Variants in LRBA observed in about 807,000 individuals in gnomAD.
LRBA encodes lipopolysaccharide-responsive and beige-like anchor protein.
LRBA carries 176 observed loss-of-function variants against 330.0 expected under a neutral mutation model. The observed-to-expected ratio is 0.53, with a 90% confidence interval of 0.47 to 0.60. The LOEUF (loss-of-function observed/expected upper bound fraction) is 0.60, where lower values mean the gene tolerates loss of function less well. Ranked by LOEUF, LRBA falls within the 20% of genes least tolerant of loss-of-function variation. LRBA has a pLI of 0.00. For missense variants in LRBA, 3,259 were observed against 3,444.8 expected, an observed-to-expected ratio of 0.95 and a Z score of 1.35; for synonymous variants, 1,230 against 1,193.0, an observed-to-expected ratio of 1.03 and a Z score of -0.64.
At chr4:150,601,000 A>G (rs1007301330) in intron 37 of LRBA, among the ~76,000 whole-genome samples, 2 of 152,184 alleles carry the variant, frequency 1.3e-5, no homozygotes, top group African/African-American at 4.8e-5. Flanking sequence ...TGATACAATG[A>G]GGGTCTATTC....
chr4:150,621,381 TCATA>T (rs1002981475), intron 37 of LRBA, among the ~76,000 whole-genome samples: 1 of 152,222 alleles, frequency 6.6e-6, no homozygotes, highest in Non-Finnish European at 1.5e-5. Context: ...AGTTGTGCTC[TCATA>T]CATACTTGTT....
intron 30 of LRBA, among the ~76,000 whole-genome samples, chr4:150,826,382 G>A (rs1282276828): frequency 6.6e-6 from 1 of 152,146 alleles, no homozygotes; most frequent in Non-Finnish European, 1.5e-5. Context: ...TAGGATTTAT[G>A]GCAGGAAGAG....
intron 2 of LRBA, among the ~76,000 whole-genome samples, chr4:151,001,095 C>A (rs1743271738): frequency 6.6e-6 from 1 of 152,174 alleles, no homozygotes; most frequent in Non-Finnish European, 1.5e-5. Flanking sequence ...GTCCCATAAT[C>A]CCCCTAAGTC....
At position 150,867,734 on chromosome 4, in the gene LRBA, T is replaced by G. The variant is rs752955303; in HGVS notation, c.2703A>C (p.Ala901=). The G allele has an allele frequency of 3.1e-6, 5 of 1,613,830 alleles. No individual in the cohort carries two copies. The African/African-American group carries it at 4.0e-5, about 13-fold the overall frequency. ...GCCAGCCACCCCACTCATATTTGAC[T>G]GCATGGTAAAGCAGGATTCTGAATA... ...YAIFRILLYH[A]VKYEWGGWRV... is the part of the protein sequence containing the mutation. The change falls in exon 22 of 57, where the codon GCA becomes GCC. Residue 901 remains alanine, a synonymous_variant. Coordinates refer to ENST00000651943, the MANE Select transcript of LRBA (RefSeq NM_001364905.1).
At chr4:150,818,090 T>C (rs2126770049) in intron 30 of LRBA, among the ~76,000 whole-genome samples, 1 of 152,274 alleles carries the variant, frequency 6.6e-6, no homozygotes, top group East Asian at 1.9e-4. Context: ...GACAGTACTA[T>C]AACTGCGAGC....
chr4:150,947,619 G>A (rs1043264857), intron 2 of LRBA, among the ~76,000 whole-genome samples: 2 of 151,962 alleles, frequency 1.3e-5, no homozygotes, highest in African/African-American at 4.8e-5. Context: ...TAAAGATCAG[G>A]AACATGGCTA....
intron 36 of LRBA, among the ~76,000 whole-genome samples, chr4:150,694,453 G>C (rs1229513610): frequency 1.2e-4 from 1 of 8,548 alleles, no homozygotes. Flanking sequence ...CTTAAAGTGT[G>C]ATCTTTAACA....
chr4:150,271,718 C>T (rs1019494844), intron 56 of LRBA, among the ~76,000 whole-genome samples: 2 of 152,200 alleles, frequency 1.3e-5, no homozygotes, highest in African/African-American at 4.8e-5. Context: ...TGGTTTTACC[C>T]TCACGGTGTA....
chr4:150,685,420 A>ATTTTTTTTTTTT (rs70941424), intron 36 of LRBA, among the ~76,000 whole-genome samples: 1 of 17,436 alleles, frequency 5.7e-5, no homozygotes, highest in African/African-American at 2.4e-4. Flanking sequence ...ATATATATAT[A>ATTTTTTTTTTTT]TTTTTTTTTT....
chr4:150,646,021 TTA>T (rs1779105299), intron 37 of LRBA, among the ~76,000 whole-genome samples: 1 of 151,870 alleles, frequency 6.6e-6, no homozygotes, highest in Admixed American at 6.6e-5. Flanking sequence ...ACACAGGTAT[TTA>T]TATAATATCC....
At chr4:150,435,555 G>C in intron 46 of LRBA, 34 bp downstream of exon 46, 6 of 1,586,404 alleles carry the variant, frequency 3.8e-6, no homozygotes, top group Non-Finnish European at 5.1e-6. Context: ...TAATGCACTG[G>C]CAATAACAAC....
chr4:150,500,221 C>A (rs1158497401), intron 40 of LRBA, among the ~76,000 whole-genome samples: 1 of 151,356 alleles, frequency 6.6e-6, no homozygotes, highest in African/African-American at 2.4e-5. Flanking sequence ...TGAATACGTA[C>A]AACTGTTGCT....
At chr4:150,896,685 T>C (rs576867726) in intron 15 of LRBA, among the ~76,000 whole-genome samples, 2 of 152,170 alleles carry the variant, frequency 1.3e-5, no homozygotes, top group Admixed American at 6.5e-5. Context: ...CCTTATATAA[T>C]ATGACAGCCT....
At chr4:150,386,883 C>T (rs1743150354) in intron 47 of LRBA, among the ~76,000 whole-genome samples, 4 of 152,218 alleles carry the variant, frequency 2.6e-5, no homozygotes, top group Admixed American at 2.6e-4. Context: ...CTCCTACCAA[C>T]AGTGTAAGAG....
chr4:150,831,737 C>T lies in LRBA; in HGVS notation c.4729+80G>A, dbSNP rs570581878. The T allele has an allele frequency of 2.4e-5, 26 of 1,100,228 alleles. No individual in the cohort carries two copies. In the African/African-American group the frequency reaches 3.6e-4, roughly 15 times the overall value. 68.2% of individuals were successfully genotyped at this position (1,100,228 alleles called of 1,614,324 possible). A position where few individuals can be genotyped will look rare whatever the true frequency, so the allele number is the denominator to read the frequency against. On this transcript the variant is annotated intron_variant, in intron 29 of 56. Coordinates refer to ENST00000651943, the MANE Select transcript of LRBA (RefSeq NM_001364905.1). ...TTTGCACAGAAATGGATTTAAATTC[C>T]AATATCAATATTTTAACCATCAAAA...
At chr4:150,449,935 C>T (rs754106703) in intron 44 of LRBA, among the ~76,000 whole-genome samples, 4 of 151,894 alleles carry the variant, frequency 2.6e-5, no homozygotes, top group East Asian at 1.9e-4. Context: ...TAGATTTAAG[C>T]CAACCATATA....
At chr4:150,391,223 T>A (rs1393432332) in intron 47 of LRBA, among the ~76,000 whole-genome samples, 1 of 152,272 alleles carries the variant, frequency 6.6e-6, no homozygotes, top group East Asian at 1.9e-4. Flanking sequence ...CCCTGAATGA[T>A]GATGAAACCA....
intron 9 of LRBA, among the ~76,000 whole-genome samples, chr4:150,910,356 T>C (rs935408037): frequency 2.6e-5 from 4 of 152,196 alleles, no homozygotes; most frequent in African/African-American, 9.6e-5. Flanking sequence ...ATGAATTAAG[T>C]ATAAAACTTT....
chr4:150,506,645 G>C (rs543267117), intron 40 of LRBA, among the ~76,000 whole-genome samples: 3 of 152,292 alleles, frequency 2.0e-5, no homozygotes, highest in African/African-American at 7.2e-5. Context: ...AAAACTGGAG[G>C]CATTCCCTTT....
Sources: gnomAD v4.1 joint callset for allele counts (sites outside exome capture counted in the v4.1 genomes callset) on GRCh38, gnomAD v4.1.1 for gene constraint, MANE v1.5 for transcripts, NCBI Gene and HGNC (gene_info 2026-07-23, HGNC 2026-07-21) for gene names.